TBC1D13: variants seen among roughly 807,000 people sequenced by gnomAD.
The protein encoded by TBC1D13 is TBC1 domain family member 13, also known as epididymis secretory sperm binding protein.
TBC1D13 carries 40 observed loss-of-function variants against 53.6 expected under a neutral mutation model. That is an observed-to-expected ratio of 0.75 (90% CI 0.58 to 0.97). The LOEUF (loss-of-function observed/expected upper bound fraction) is 0.97. Ranked by LOEUF, TBC1D13 falls within the 50% of genes least tolerant of loss-of-function variation. TBC1D13 has a pLI of 0.00. For synonymous variants in TBC1D13, 182 were observed against 197.7 expected (o/e 0.92, Z 0.67); for missense variants, 377 against 499.4 (o/e 0.75, Z 2.34).
intron 2 of TBC1D13, among the ~76,000 whole-genome samples, chr9:128,788,930 A>G (rs969275867): frequency 1.3e-5 from 2 of 152,220 alleles, no homozygotes; most frequent in Non-Finnish European, 1.5e-5. Context: ...CTTTGCCCCA[A>G]TGAGCACAAA....
At chr9:128,805,718 C>T (rs1052073392) in intron 9 of TBC1D13, 141 bp from the exon 10 acceptor site, 10 of 908,248 alleles carry the variant, frequency 1.1e-5, no homozygotes, top group African/African-American at 6.7e-5. Flanking sequence ...GGCTGTCCGG[C>T]AGCCTGGTGC....
At chr9:128,799,893 C>T (rs987210208) in intron 7 of TBC1D13, among the ~76,000 whole-genome samples, 5 of 152,124 alleles carry the variant, frequency 3.3e-5, no homozygotes, top group South Asian at 2.1e-4. Context: ...TGGTCGCAGG[C>T]GCCTGTAGTC....
At chr9:128,791,797 G>A in intron 5 of TBC1D13, 104 bp downstream of exon 5, 1 of 964,056 alleles carries the variant, frequency 1.0e-6, no homozygotes, top group Non-Finnish European at 1.6e-6. Context: ...GTGCAGTCTG[G>A]TGTCAGTCCC....
intron 6 of TBC1D13, among the ~76,000 whole-genome samples, chr9:128,796,010 G>C (rs1178254364): frequency 1.3e-5 from 2 of 152,116 alleles, no homozygotes; most frequent in Non-Finnish European, 2.9e-5. Flanking sequence ...CACATAAAAT[G>C]TGGGCATGTA....
At chr9:128,801,922 T>A (rs866123446) in intron 7 of TBC1D13, among the ~76,000 whole-genome samples, 2 of 150,860 alleles carry the variant, frequency 1.3e-5, no homozygotes, top group Admixed American at 1.3e-4. Context: ...CCACCACGCC[T>A]GGCTAATTTT....
chr9:128,792,656 C>G (rs982640335), intron 6 of TBC1D13, 82 bp downstream of exon 6: 4 of 1,314,886 alleles, frequency 3.0e-6, no homozygotes, highest in Non-Finnish European at 4.3e-6. Context: ...ATTTGCAGGC[C>G]GGGCCTATGG....
At chr9:128,787,991 C>G (rs1829460788) in intron 1 of TBC1D13, among the ~76,000 whole-genome samples, 1 of 152,164 alleles carries the variant, frequency 6.6e-6, no homozygotes, top group East Asian at 1.9e-4. Flanking sequence ...TGGACCCGGC[C>G]TGGCCGGCAG....
rs1298542063 is a variant in TBC1D13 at position 128,810,273 on chromosome 9, T to G, written c.*2394T>G. ...GCTTCCTGCTTGAGAACCTGCCCCCTGGATCTTGGACACTTACAGATTGAG... is the reference window on the plus strand; with the variant it reads ...GCTTCCTGCTTGAGAACCTGCCCCCGGGATCTTGGACACTTACAGATTGAG... On this transcript the variant is annotated 3_prime_UTR_variant, in exon 12 of 12. Coordinates refer to ENST00000372648, the MANE Select transcript of TBC1D13 (RefSeq NM_018201.5). 1 of 152,226 alleles carries G rather than the reference T, an allele frequency of 6.6e-6. No homozygotes were observed. The highest frequency in any genetic ancestry group is 2.4e-5 in the African/African-American group (1 of 41,458). The allele number at this position is 152,226 out of a possible 1,614,324, so 9.4% of individuals were successfully genotyped here.
chr9:128,804,121 T>C lies in TBC1D13; in HGVS notation c.918+2T>C. ...GATGTGGAGCTCTACCTGAAACTGG[T>C]GAGGACCCCAGGAACAGACGGGTGG... On this transcript the variant is annotated splice_donor_variant, in intron 9 of 11. Coordinates refer to ENST00000372648, the MANE Select transcript of TBC1D13 (RefSeq NM_018201.5). LOFTEE classifies it high-confidence loss of function. The C allele has an allele frequency of 6.2e-7, 1 of 1,613,586 alleles. No homozygotes were observed. Among genetic ancestry groups the C allele is most frequent in the East Asian group, 2.2e-5 (1 of 44,876 alleles).
chr9:128,787,402 G>T, intron 1 of TBC1D13, 26 bp downstream of exon 1: 7 of 1,255,710 alleles, frequency 5.6e-6, no homozygotes, highest in Non-Finnish European at 7.1e-6. Flanking sequence ...GCCTGACCCG[G>T]CTGGGCCACT....
chr9:128,796,736 AAG>A (rs1829637270), intron 6 of TBC1D13, among the ~76,000 whole-genome samples: 1 of 151,818 alleles, frequency 6.6e-6, no homozygotes, highest in Non-Finnish European at 1.5e-5. Context: ...TCAGGAGATC[AAG>A]ACCATCCTGG....
chr9:128,789,579 C>T (rs1322013673), intron 2 of TBC1D13, among the ~76,000 whole-genome samples: 1 of 151,750 alleles, frequency 6.6e-6, no homozygotes, highest in Non-Finnish European at 1.5e-5. Context: ...GTTAATCTTC[C>T]CTACTTACTG....
At chr9:128,795,979 G>A (rs80067196) in intron 6 of TBC1D13, among the ~76,000 whole-genome samples, 1 of 152,152 alleles carries the variant, frequency 6.6e-6, no homozygotes, top group South Asian at 2.1e-4. Context: ...TAAAAAAAAA[G>A]TATATATCTA....
rs781310868 is a variant in TBC1D13 at position 128,788,331 on chromosome 9, C to T, written c.24-3C>T. 5.6e-6 allele frequency: 9 copies of T among 1,614,058 alleles called. No homozygotes were observed. The highest frequency in any genetic ancestry group is 7.6e-6 in the Non-Finnish European group (9 of 1,179,930). On this transcript the variant is annotated splice_region_variant and splice_polypyrimidine_tract_variant and intron_variant, in intron 1 of 11. Coordinates refer to ENST00000372648, the MANE Select transcript of TBC1D13 (RefSeq NM_018201.5). ...TCATTTGCCGCCCTATCTCCCCTTC[C>T]AGAATTGCAGATTTCCAGGATGTCC...
intron 6 of TBC1D13, among the ~76,000 whole-genome samples, chr9:128,795,055 A>AT (rs201211229): frequency 0.051 from 7,432 of 144,412 alleles, 289 homozygotes; most frequent in East Asian, 0.089. Flanking sequence ...ATGTTAGATA[A>AT]TTTTTTTTTT....
At chr9:128,804,660 C>T (rs1288040756) in intron 9 of TBC1D13, among the ~76,000 whole-genome samples, 1 of 151,374 alleles carries the variant, frequency 6.6e-6, no homozygotes, top group African/African-American at 2.4e-5. Flanking sequence ...CCACCCGCCT[C>T]GGCCTCCCAA....
chr9:128,789,316 C>CAAAAAAAA (rs10648259), intron 2 of TBC1D13, among the ~76,000 whole-genome samples: 8 of 83,368 alleles, frequency 9.6e-5, no homozygotes, highest in Admixed American at 1.6e-4. Context: ...AGCTCCATCT[C>CAAAAAAAA]AAAAAAAAAA....
At chr9:128,800,294 A>T (rs1829709835) in intron 7 of TBC1D13, among the ~76,000 whole-genome samples, 1 of 151,634 alleles carries the variant, frequency 6.6e-6, no homozygotes, top group Admixed American at 6.6e-5. Flanking sequence ...CCTGGCAGGC[A>T]GCTGGTGTTG....
In TBC1D13 at chr9:128,797,267, T is replaced by G. The variant is rs1174758938; in HGVS notation, c.543+53T>G. The G allele has an allele frequency of 2.5e-6, 4 of 1,585,610 alleles. No individual in the cohort carries two copies. The African/African-American group carries it at 5.4e-5, about 21-fold the overall frequency. On this transcript the variant is annotated intron_variant, in intron 7 of 11. Coordinates refer to ENST00000372648, the MANE Select transcript of TBC1D13 (RefSeq NM_018201.5). Reference sequence around the variant, plus strand: ...ACTCCCCCAACAGTATTTTCTTTCCTTTTTCTCTTAAACTCCTGGCCACAA... The same window carrying G: ...ACTCCCCCAACAGTATTTTCTTTCCGTTTTCTCTTAAACTCCTGGCCACAA...
Sources: gnomAD v4.1 joint callset for allele counts (sites outside exome capture counted in the v4.1 genomes callset) on GRCh38, gnomAD v4.1.1 for gene constraint, MANE v1.5 for transcripts, NCBI Gene and HGNC (gene_info 2026-07-23, HGNC 2026-07-21) for gene names.